The following TBC1D32 variants were observed in gnomAD, a reference collection of about 807,000 sequenced individuals.
TBC1D32 encodes the protein TBC1 domain family member 32, also known as protein broad-minded.
Under a neutral mutation model 170.3 loss-of-function variants are expected in TBC1D32, and 151 were observed. That is an observed-to-expected ratio of 0.89 (90% CI 0.78 to 1.01). The LOEUF is 1.01. TBC1D32 is among the 50% of genes least tolerant of loss of function. TBC1D32 has a pLI of 0.00. For missense variants in TBC1D32, 1,464 were observed against 1,457.1 expected, an observed-to-expected ratio of 1.00 and a Z score of -0.08; for synonymous variants, 498 against 488.0, an observed-to-expected ratio of 1.02 and a Z score of -0.27.
intron 20 of TBC1D32, among the ~76,000 whole-genome samples, chr6:121,233,103 A>G (rs920347312): frequency 2.0e-5 from 3 of 152,084 alleles, no homozygotes; most frequent in Admixed American, 6.6e-5. Context: ...TCTTAAATTT[A>G]CTGAGACTTG....
intron 22 of TBC1D32, among the ~76,000 whole-genome samples, chr6:121,161,507 T>G (rs1785655456): frequency 6.6e-6 from 1 of 152,208 alleles, no homozygotes; most frequent in African/African-American, 2.4e-5. Context: ...CCAGCTCCAT[T>G]CATGTCCCTG....
rs185713110 is a variant in TBC1D32 at position 121,329,610 on chromosome 6, C to T, written c.155+4666G>A. Among the ~76,000 whole-genome samples the T allele has an allele frequency of 3.3e-5, 5 of 152,010 alleles. No individual in the cohort carries two copies. The East Asian group carries it at 7.7e-4, about 24-fold the overall frequency. On this transcript the variant is annotated intron_variant, in intron 1 of 31. Coordinates refer to ENST00000398212, the MANE Select transcript of TBC1D32 (RefSeq NM_152730.6). Reference sequence around the variant, plus strand: ...GAGGTTGCAGCGAGCTGAGATCATGCCATTGCACTCCAGCCTGGGGGACAA... The same window carrying T: ...GAGGTTGCAGCGAGCTGAGATCATGTCATTGCACTCCAGCCTGGGGGACAA...
At position 121,085,236 on chromosome 6, in the gene TBC1D32, C is replaced by CAT. The variant is rs1245096727; in HGVS notation, c.3655-4348_3655-4347dup. Among the ~76,000 whole-genome samples, 16 of 142,550 alleles carry CAT rather than the reference C, an allele frequency of 1.1e-4. 1 individual carries two copies. In the East Asian group the frequency reaches 3.1e-3, roughly 27 times the overall value. The allele number at this position is 142,550 out of a possible 152,430, so 93.5% of individuals were successfully genotyped here. On this transcript the variant is annotated intron_variant, in intron 31 of 31. Coordinates refer to ENST00000398212, the MANE Select transcript of TBC1D32 (RefSeq NM_152730.6). The stretch of plus-strand genomic sequence containing the variant: ...ATATATATACACATATATATATACA[C>CAT]ATATACATACGTATATATATACACA...
chr6:121,252,304 C>G (rs1183481571), intron 17 of TBC1D32, among the ~76,000 whole-genome samples: 1 of 152,158 alleles, frequency 6.6e-6, no homozygotes. Flanking sequence ...TTCACAATAA[C>G]TAAGACTTGG....
At chr6:121,212,122 GA>G (rs1793146377) in intron 21 of TBC1D32, among the ~76,000 whole-genome samples, 1 of 151,782 alleles carries the variant, frequency 6.6e-6, no homozygotes, top group Non-Finnish European at 1.5e-5. Flanking sequence ...AGAAAACCTA[GA>G]AGAAATGGAT....
At chr6:121,300,682 G>A (rs917517036) in intron 9 of TBC1D32, among the ~76,000 whole-genome samples, 2 of 152,074 alleles carry the variant, frequency 1.3e-5, no homozygotes, top group South Asian at 4.1e-4. Flanking sequence ...AGCCAAAATT[G>A]ACAAATGGGA....
At chr6:121,299,669 C>A (rs1261343294) in intron 9 of TBC1D32, among the ~76,000 whole-genome samples, 164 bp from the exon 10 acceptor site, 1 of 152,064 alleles carries the variant, frequency 6.6e-6, no homozygotes, top group Non-Finnish European at 1.5e-5. Context: ...GTATTAGGAG[C>A]AAAGCAATCA....
At chr6:121,153,705 T>A (rs909740106) in intron 24 of TBC1D32, among the ~76,000 whole-genome samples, 1 of 152,042 alleles carries the variant, frequency 6.6e-6, no homozygotes, top group African/African-American at 2.4e-5. Context: ...AGAGGAGGAA[T>A]CTAGAGAGGC....
At chr6:121,330,513 A>G (rs965283246) in intron 1 of TBC1D32, among the ~76,000 whole-genome samples, 5 of 152,198 alleles carry the variant, frequency 3.3e-5, no homozygotes, top group Non-Finnish European at 7.3e-5. Context: ...TCTGCATTAG[A>G]GACTGTTAAA....
intron 15 of TBC1D32, among the ~76,000 whole-genome samples, chr6:121,264,177 C>T (rs887178319): frequency 6.6e-6 from 1 of 151,784 alleles, no homozygotes; most frequent in East Asian, 1.9e-4. Flanking sequence ...AAATAGACCA[C>T]TAGTTAGATT....
chr6:121,316,642 A>T (rs73528507), intron 3 of TBC1D32, among the ~76,000 whole-genome samples: 1 of 152,270 alleles, frequency 6.6e-6, no homozygotes, highest in Non-Finnish European at 1.5e-5. Context: ...ATGCACAGCG[A>T]CTTTTAAGTT....
chr6:121,317,799 A>G, intron 2 of TBC1D32, 127 bp from the exon 3 acceptor site: 1 of 579,638 alleles, frequency 1.7e-6, no homozygotes, highest in Non-Finnish European at 2.8e-6. Flanking sequence ...CTAAGGAGAA[A>G]AATCGAACTC....
chr6:121,252,081 T>C (rs1335846040), intron 17 of TBC1D32, among the ~76,000 whole-genome samples: 1 of 152,110 alleles, frequency 6.6e-6, no homozygotes, highest in Non-Finnish European at 1.5e-5. Flanking sequence ...AAACAGGTGC[T>C]AGAGAGGATG....
At chr6:121,142,685 T>C (rs918363443) in intron 24 of TBC1D32, among the ~76,000 whole-genome samples, 15 of 152,166 alleles carry the variant, frequency 9.9e-5, no homozygotes, top group African/African-American at 3.6e-4. Context: ...CAAGCTATTT[T>C]TAATTTTCTA....
chr6:121,295,460 A>G (rs888535299), intron 10 of TBC1D32, among the ~76,000 whole-genome samples: 1 of 152,154 alleles, frequency 6.6e-6, no homozygotes, highest in Non-Finnish European at 1.5e-5. Context: ...GGCAGTTAGC[A>G]TAATTTTTAT....
intron 12 of TBC1D32, among the ~76,000 whole-genome samples, chr6:121,287,004 A>C (rs921994516): frequency 6.6e-6 from 1 of 152,192 alleles, no homozygotes; most frequent in African/African-American, 2.4e-5. Context: ...TGAAGGAAGC[A>C]CTAAACATGG....
At chr6:121,216,237 T>G (rs1207924029) in intron 21 of TBC1D32, among the ~76,000 whole-genome samples, 2 of 152,316 alleles carry the variant, frequency 1.3e-5, no homozygotes, top group Admixed American at 1.3e-4. Context: ...TACATCTTTC[T>G]CCCGTGATGA....
chr6:121,334,510 C>G (rs1562138715), upstream of TBC1D32: 6 of 1,475,882 alleles, frequency 4.1e-6, no homozygotes, highest in South Asian at 7.7e-5. Context: ...CGCGCACCCC[C>G]ACCCAGCCCC....
intron 24 of TBC1D32, among the ~76,000 whole-genome samples, chr6:121,152,169 C>T (rs1278114776): frequency 6.6e-6 from 1 of 152,146 alleles, no homozygotes; most frequent in African/African-American, 2.4e-5. Context: ...TTAGTGCTTT[C>T]TTCAGGAGCT....
Sources: gnomAD v4.1 joint callset for allele counts (sites outside exome capture counted in the v4.1 genomes callset) on GRCh38, gnomAD v4.1.1 for gene constraint, MANE v1.5 for transcripts, NCBI Gene and HGNC (gene_info 2026-07-23, HGNC 2026-07-21) for gene names.